The following FSTL1 variants were observed in gnomAD, a reference collection of about 807,000 sequenced individuals.
FSTL1 encodes follistatin-related protein 1.
FSTL1 carries 24 observed loss-of-function variants against 45.9 expected under a neutral mutation model. The ratio of observed to expected loss-of-function variants is 0.52; its 90% CI spans 0.38 to 0.74. FSTL1 has a LOEUF of 0.74. FSTL1 is among the 30% of genes least tolerant of loss of function. The pLI, the probability that FSTL1 is intolerant of heterozygous loss-of-function variation, is 0.00. For missense variants in FSTL1, 340 were observed against 381.8 expected (o/e 0.89, Z 0.91); for synonymous variants, 120 against 137.6 (o/e 0.87, Z 0.89).
At chr3:120,427,578 G>C (rs1015986450) in intron 2 of FSTL1, among the ~76,000 whole-genome samples, 5 of 152,130 alleles carry the variant, frequency 3.3e-5, no homozygotes, top group Admixed American at 6.5e-5. Context: ...ATACCCTAAA[G>C]ACCCTGCCCT....
At chr3:120,446,450 A>T (rs1003732531) in intron 2 of FSTL1, among the ~76,000 whole-genome samples, 15 of 152,226 alleles carry the variant, frequency 9.9e-5, no homozygotes, top group African/African-American at 3.4e-4. Flanking sequence ...TGCGATGGCC[A>T]GGGCCTCCTA....
intron 2 of FSTL1, among the ~76,000 whole-genome samples, 154 bp downstream of exon 2, chr3:120,450,530 C>T (rs974728858): frequency 6.6e-6 from 1 of 152,206 alleles, no homozygotes; most frequent in Non-Finnish European, 1.5e-5. Flanking sequence ...TCGTAAGCAG[C>T]ATTACTGCCC....
chr3:120,443,104 TA>T (rs200174345), intron 2 of FSTL1, among the ~76,000 whole-genome samples: 10 of 144,178 alleles, frequency 6.9e-5, no homozygotes, highest in South Asian at 2.1e-4. Flanking sequence ...AATAATAAAT[TA>T]AAAAAAAAAG....
chr3:120,416,968 T>TCAC (rs2107658455), intron 2 of FSTL1, among the ~76,000 whole-genome samples: 1 of 152,242 alleles, frequency 6.6e-6, no homozygotes, highest in Admixed American at 6.5e-5. Flanking sequence ...CCCACCTCAT[T>TCAC]CACCACTCAA....
At position 120,415,122 on chromosome 3, in the gene FSTL1, C is replaced by CA. The variant is rs36113603; in HGVS notation, c.168+800dup. ...TAAATACATATTCATGTTTGTTTTTCAAAAAAAAAAAAACATTAAAAAAAA... is the reference window on the plus strand; with the variant it reads ...TAAATACATATTCATGTTTGTTTTTCAAAAAAAAAAAAAACATTAAAAAAAA... On this transcript the variant is annotated intron_variant, in intron 3 of 10. Coordinates refer to ENST00000295633, the MANE Select transcript of FSTL1 (RefSeq NM_007085.5). Among the ~76,000 whole-genome samples, 473 of 122,148 alleles carry CA rather than the reference C, an allele frequency of 3.9e-3. 4 individuals carry two copies. The highest frequency in any genetic ancestry group is 7.5e-3 in the Admixed American group (85 of 11,348). The allele number at this position is 122,148 out of a possible 152,430, so 80.1% of individuals were successfully genotyped here.
chr3:120,412,035 A>G (rs1479688428), intron 3 of FSTL1, 52 bp from the exon 4 acceptor site: 1 of 1,478,904 alleles, frequency 6.8e-7, no homozygotes, highest in Middle Eastern at 1.8e-4. Flanking sequence ...ATCGACACAC[A>G]GACACACACA....
intron 2 of FSTL1, among the ~76,000 whole-genome samples, chr3:120,434,995 G>A (rs183684684): frequency 7.9e-4 from 120 of 152,320 alleles, no homozygotes; most frequent in African/African-American, 2.8e-3. Context: ...GAGTCAGGGA[G>A]CTCACATGAG....
intron 2 of FSTL1, among the ~76,000 whole-genome samples, chr3:120,430,583 G>A (rs1289974484): frequency 6.6e-6 from 1 of 152,124 alleles, no homozygotes; most frequent in Non-Finnish European, 1.5e-5. Context: ...AATCTTTGTG[G>A]AACAAACTAA....
intron 3 of FSTL1, among the ~76,000 whole-genome samples, chr3:120,413,265 A>C (rs1937107753): frequency 6.6e-6 from 1 of 152,250 alleles, no homozygotes; most frequent in African/African-American, 2.4e-5. Flanking sequence ...GTTTTAGTTG[A>C]GGATACCAAA....
Position 120,394,843 on chromosome 3 carries a change from T to C in FSTL1, c.*2109A>G, listed in dbSNP as rs1429624195. The C allele has an allele frequency of 6.6e-6, 1 of 152,232 alleles. No homozygotes were observed. The highest frequency in any genetic ancestry group is 2.4e-5 in the African/African-American group (1 of 41,456). The allele number at this position is 152,232 out of a possible 1,614,324, so 9.4% of individuals were successfully genotyped here. A position where few individuals can be genotyped will look rare whatever the true frequency, so the allele number is the denominator to read the frequency against. On this transcript the variant is annotated 3_prime_UTR_variant, in exon 11 of 11. Transcript: ENST00000295633. ...CTGCAGAACTCAAGAGGAATGTGGA[T>C]TTGCTCTTGGGAGTTCAATGTTGCA...
chr3:120,395,454 T>C lies in FSTL1; in HGVS notation c.*1498A>G. 1 of 357,678 alleles carries C rather than the reference T, an allele frequency of 2.8e-6. No homozygotes were observed. Among genetic ancestry groups the C allele is most frequent in the Non-Finnish European group, 5.4e-6 (1 of 185,412 alleles). 22.2% of individuals were successfully genotyped at this position (357,678 alleles called of 1,614,324 possible). ...TTGAATCTGAAACTTTCTTTTATCC[T>C]CATCTCTAAGGGAATGCTTTCTATT... On this transcript the variant is annotated 3_prime_UTR_variant, in exon 11 of 11. Coordinates refer to ENST00000295633, the MANE Select transcript of FSTL1 (RefSeq NM_007085.5).
chr3:120,394,613 C>T lies in FSTL1; in HGVS notation c.*2339G>A, dbSNP rs574967150. 1 of 152,184 alleles carries T rather than the reference C, an allele frequency of 6.6e-6. No homozygotes were observed. The highest frequency in any genetic ancestry group is 6.5e-5 in the Admixed American group (1 of 15,284). 9.4% of individuals were successfully genotyped at this position (152,184 alleles called of 1,614,324 possible). On this transcript the variant is annotated 3_prime_UTR_variant, in exon 11 of 11. Coordinates refer to ENST00000295633, the MANE Select transcript of FSTL1 (RefSeq NM_007085.5). ...TATAGTGTTTACAAAACTACACACA[C>T]AGAGAAAGCCCAAGGAAGCCTGCAG... is the stretch of plus-strand genomic sequence containing the variant.
intron 9 of FSTL1, among the ~76,000 whole-genome samples, 177 bp downstream of exon 9, chr3:120,402,631 T>C (rs1349497335): frequency 1.3e-5 from 2 of 152,084 alleles, no homozygotes; most frequent in East Asian, 1.9e-4. Context: ...ATGGGATAAA[T>C]GTTCTGCCCT....
At chr3:120,416,122 C>T (rs1937183552) in intron 2 of FSTL1, 95 bp from the exon 3 acceptor site, 1 of 951,700 alleles carries the variant, frequency 1.1e-6, no homozygotes, top group Non-Finnish European at 1.7e-6. Flanking sequence ...TTGGGCTTTG[C>T]TCTGGAGTCA....
intron 3 of FSTL1, among the ~76,000 whole-genome samples, chr3:120,412,816 A>C (rs1317672582): frequency 7.7e-6 from 1 of 129,292 alleles, no homozygotes; most frequent in Admixed American, 8.3e-5. Flanking sequence ...ACACACACAC[A>C]TGTGCGCGCG....
At position 120,417,141 on chromosome 3, in the gene FSTL1, G is replaced by A. The variant is rs78664325; in HGVS notation, c.64-1114C>T. Among the ~76,000 whole-genome samples, 37 of 152,350 alleles carry A rather than the reference G, an allele frequency of 2.4e-4. No individual in the cohort carries two copies. The East Asian group carries it at 7.1e-3, about 29-fold the overall frequency. On this transcript the variant is annotated intron_variant, in intron 2 of 10. Coordinates refer to ENST00000295633, the MANE Select transcript of FSTL1 (RefSeq NM_007085.5). ...ACTGCAGGAGGCACGATGGGGTCATGGGGCTGGCTGGGGTAAGGCAGGGAT... is the reference window on the plus strand; with the variant it reads ...ACTGCAGGAGGCACGATGGGGTCATAGGGCTGGCTGGGGTAAGGCAGGGAT...
At chr3:120,412,043 ACACACACATACATG>A (rs988609527) in intron 3 of FSTL1, 60 bp from the exon 4 acceptor site, 19 of 702,768 alleles carry the variant, frequency 2.7e-5, no homozygotes, top group African/African-American at 4.9e-5. Flanking sequence ...ACAGACACAC[ACACACACATACATG>A]CACACACACA....
At chr3:120,450,660 C>A in intron 2 of FSTL1, 24 bp downstream of exon 2, 2 of 1,524,326 alleles carry the variant, frequency 1.3e-6, no homozygotes, top group Non-Finnish European at 1.8e-6. Context: ...GGACCGAGTT[C>A]GGACTCCTCG....
At chr3:120,407,699 G>A (rs776768043) in intron 6 of FSTL1, among the ~76,000 whole-genome samples, 26 of 152,186 alleles carry the variant, frequency 1.7e-4, no homozygotes, top group Non-Finnish European at 3.4e-4. Context: ...ACAGCAGCAT[G>A]TAAGACTCTG....
Sources: gnomAD v4.1 joint callset for allele counts (sites outside exome capture counted in the v4.1 genomes callset) on GRCh38, gnomAD v4.1.1 for gene constraint, MANE v1.5 for transcripts, NCBI Gene and HGNC (gene_info 2026-07-23, HGNC 2026-07-21) for gene names.